Variants in LIMK2 observed in about 807,000 individuals in gnomAD.
LIMK2 encodes the protein LIM domain kinase 2.
A neutral mutation model predicts 75.7 loss-of-function variants in LIMK2; 35 were observed. The ratio of observed to expected loss-of-function variants is 0.46; its 90% CI spans 0.35 to 0.61. The LOEUF (loss-of-function observed/expected upper bound fraction) is 0.61, where lower values mean the gene tolerates loss of function less well. Ranked by LOEUF, LIMK2 falls within the 20% of genes least tolerant of loss-of-function variation. The pLI, the probability that LIMK2 is intolerant of heterozygous loss-of-function variation, is 0.00. For missense variants in LIMK2, 623 were observed against 831.0 expected (o/e 0.75, Z 3.08); for synonymous variants, 301 against 319.2 (o/e 0.94, Z 0.61).
At position 31,233,452 on chromosome 22, in the gene LIMK2, T is replaced by A. The variant is rs182725425; in HGVS notation, c.116+7633T>A. 2.4e-4 allele frequency among the ~76,000 whole-genome samples: 36 copies of A among 152,346 alleles called. No individual in the cohort carries two copies. In the East Asian group the frequency reaches 6.9e-3, roughly 29 times the overall value. On this transcript the variant is annotated intron_variant, in intron 2 of 15. Transcript: ENST00000331728. The stretch of plus-strand genomic sequence containing the variant: ...TCTGGTAATACCTGTTTGCTTATCC[T>A]TCTTTGTCCAGCTCTGGGATGTTAC...
chr22:31,232,117 T>C (rs2048534163), intron 2 of LIMK2, among the ~76,000 whole-genome samples: 2 of 152,052 alleles, frequency 1.3e-5, no homozygotes, highest in Admixed American at 6.6e-5. Context: ...GCCTGGCCAG[T>C]GCAACCCCCA....
chr22:31,215,534 C>T (rs1332443923), intron 1 of LIMK2, among the ~76,000 whole-genome samples: 1 of 152,128 alleles, frequency 6.6e-6, no homozygotes, highest in Non-Finnish European at 1.5e-5. Context: ...CAGGGTCACT[C>T]AACTAGTGGT....
At chr22:31,222,760 T>C (rs2048446753) in intron 1 of LIMK2, 1 of 151,946 alleles carries the variant, frequency 6.6e-6, no homozygotes, top group African/African-American at 2.4e-5. Context: ...ATTTTAAAAC[T>C]TAACGAGTTT....
chr22:31,220,197 G>A (rs2048422218), intron 1 of LIMK2, among the ~76,000 whole-genome samples: 1 of 152,220 alleles, frequency 6.6e-6, no homozygotes, highest in Non-Finnish European at 1.5e-5. Context: ...GAGGCTGTGT[G>A]CTTTGGGTGA....
At chr22:31,224,149 CCACAGCTTGAT>C (rs1298529464) in intron 1 of LIMK2, among the ~76,000 whole-genome samples, 4 of 152,176 alleles carry the variant, frequency 2.6e-5, no homozygotes, top group Non-Finnish European at 4.4e-5. Flanking sequence ...GAGTCAGGTA[CCACAGCTTGAT>C]CTCAGCTGTC....
At chr22:31,271,318 C>T in intron 12 of LIMK2, 117 bp downstream of exon 12, 1 of 815,902 alleles carries the variant, frequency 1.2e-6, no homozygotes, top group East Asian at 2.5e-5. Flanking sequence ...CCTAGGAGCT[C>T]CTATCTTTCC....
rs550678600 is a variant in LIMK2 at position 31,279,226 on chromosome 22, G to C, written c.*785G>C. 1 of 152,368 alleles carries C rather than the reference G, an allele frequency of 6.6e-6. No homozygotes were observed. The highest frequency in any genetic ancestry group is 6.5e-5 in the Admixed American group (1 of 15,294). 9.4% of individuals were successfully genotyped at this position (152,368 alleles called of 1,614,324 possible). On this transcript the variant is annotated 3_prime_UTR_variant, in exon 16 of 16. Transcript: ENST00000331728. ...GGAAGAGGCTGGGGGACTAGAAAGA[G>C]GCCCTGCCCTCTAGAAAGCTCAGAT...
At chr22:31,260,952 T>A (rs1005881806) in intron 5 of LIMK2, among the ~76,000 whole-genome samples, 14 of 152,134 alleles carry the variant, frequency 9.2e-5, no homozygotes, top group Admixed American at 7.2e-4. Flanking sequence ...CAAGTTAACA[T>A]TTTAGAAGGA....
At chr22:31,258,035 G>C (rs1350826476) in intron 2 of LIMK2, among the ~76,000 whole-genome samples, 1 of 152,024 alleles carries the variant, frequency 6.6e-6, no homozygotes, top group African/African-American at 2.4e-5. Flanking sequence ...AATTCTCAGA[G>C]GGCCCCAAGA....
intron 2 of LIMK2, among the ~76,000 whole-genome samples, chr22:31,245,747 C>T (rs2048662257): frequency 6.6e-6 from 1 of 152,016 alleles, no homozygotes; most frequent in African/African-American, 2.4e-5. Context: ...CCTATATGAC[C>T]TGTGATTTTT....
chr22:31,242,873 G>A (rs2283880), intron 2 of LIMK2, among the ~76,000 whole-genome samples: 6,912 of 152,262 alleles, frequency 0.045, 557 homozygotes, highest in East Asian at 0.39. Flanking sequence ...GTTCACATAT[G>A]TTCTCATTTA....
At chr22:31,221,487 A>C (rs1049363146) in intron 1 of LIMK2, among the ~76,000 whole-genome samples, 19 of 151,960 alleles carry the variant, frequency 1.3e-4, no homozygotes, top group African/African-American at 4.1e-4. Flanking sequence ...AATAATAATA[A>C]TAATTATTAT....
chr22:31,236,622 AAAAG>A (rs911890819), intron 2 of LIMK2, among the ~76,000 whole-genome samples: 2 of 151,014 alleles, frequency 1.3e-5, no homozygotes, highest in African/African-American at 4.9e-5. Flanking sequence ...AAAAAAAAAA[AAAAG>A]AAACGAGCCA....
rs554359442 is a variant in LIMK2, at chr22:31,241,883, G to A, written c.116+16064G>A. ...CTCTTGAGGAATATAGCACAAGCAGGACAAGGGAAGCCCAGAGATGTTAAA... is the reference window on the plus strand; with the variant it reads ...CTCTTGAGGAATATAGCACAAGCAGAACAAGGGAAGCCCAGAGATGTTAAA... On this transcript the variant is annotated intron_variant, in intron 2 of 15. Coordinates refer to ENST00000331728, the MANE Select transcript of LIMK2 (RefSeq NM_005569.4). 7.2e-5 allele frequency among the ~76,000 whole-genome samples: 11 copies of A among 152,218 alleles called. 1 individual carries two copies. In the South Asian group the frequency reaches 2.1e-3, roughly 29 times the overall value.
At chr22:31,248,394 G>C in intron 2 of LIMK2, 1 of 1,358,584 alleles carries the variant, frequency 7.4e-7, no homozygotes, top group South Asian at 1.2e-5. Flanking sequence ...GCTAGTCACC[G>C]GCCCCTGCTC....
chr22:31,230,669 G>A (rs2048519947), intron 2 of LIMK2, among the ~76,000 whole-genome samples: 1 of 152,102 alleles, frequency 6.6e-6, no homozygotes, highest in South Asian at 2.1e-4. Flanking sequence ...TCTGGGAAAG[G>A]GCTAATGCAG....
chr22:31,254,300 A>G (rs1452685413), intron 2 of LIMK2, among the ~76,000 whole-genome samples: 2 of 152,264 alleles, frequency 1.3e-5, no homozygotes, highest in African/African-American at 4.8e-5. Context: ...GCAAGGGCGT[A>G]ACAGAGCCCA....
At chr22:31,270,149 C>T (rs539070112) in intron 11 of LIMK2, among the ~76,000 whole-genome samples, 1 of 152,240 alleles carries the variant, frequency 6.6e-6, no homozygotes, top group East Asian at 1.9e-4. Context: ...ATGAGACTGG[C>T]TTAGGGAGAG....
rs776603427 is a variant in LIMK2 at position 31,272,625 on chromosome 22, C to T, written c.1479C>T (p.Arg493=). Residue 493 remains arginine (R), a synonymous_variant, in exon 13 of 16, where the codon CGC becomes CGT. Transcript: ENST00000331728. ...TGGAGAAGGCCACCACCAAGAAACGCACCTTGCGCAAGAACGACCGCAAGA... is the reference window on the plus strand; with the variant it reads ...TGGAGAAGGCCACCACCAAGAAACGTACCTTGCGCAAGAACGACCGCAAGA... ...APMEKATTKK[R]TLRKNDRKKR... 8 of 1,613,894 alleles carry T rather than the reference C, an allele frequency of 5.0e-6. No homozygotes were observed. Among genetic ancestry groups the T allele is most frequent in the Non-Finnish European group, 6.8e-6 (8 of 1,179,982 alleles).
Sources: allele counts gnomAD v4.1 joint callset (sites outside exome capture counted in the v4.1 genomes callset), GRCh38; gene constraint gnomAD v4.1.1; transcripts MANE v1.5; gene names NCBI Gene and HGNC (gene_info 2026-07-23, HGNC 2026-07-21).